The following UGT1A7 variants were observed in gnomAD, a reference collection of about 807,000 sequenced individuals.
The protein encoded by UGT1A7 is UDP-glucuronosyltransferase 1A7.
Under a neutral mutation model 45.6 loss-of-function variants are expected in UGT1A7, and 33 were observed. The ratio of observed to expected loss-of-function variants is 0.72; its 90% CI spans 0.55 to 0.97. The LOEUF (loss-of-function observed/expected upper bound fraction) is 0.97. Among genes scored for constraint, UGT1A7 ranks in the 50% least tolerant of loss-of-function variants. UGT1A7 has a pLI of 0.00. For synonymous variants in UGT1A7, 274 were observed against 250.6 expected (o/e 1.09, Z -0.88); for missense variants, 684 against 666.2 (o/e 1.03, Z -0.29).
chr2:233,729,365 A>G, intron 1 of UGT1A7: 4 of 1,614,132 alleles, frequency 2.5e-6, no homozygotes, highest in African/African-American at 2.7e-5. Flanking sequence ...CTGACAACCT[A>G]TGCCATTTCG....
In UGT1A7 at chr2:233,769,922, G is replaced by A. The variant is rs1699984157; in HGVS notation, c.1295+1483G>A. On this transcript the variant is annotated intron_variant, in intron 4 of 4. Coordinates refer to ENST00000373426, the MANE Select transcript of UGT1A7 (RefSeq NM_019077.3). The surrounding 1 kb of genome is among the most constrained non-coding windows in gnomAD (Gnocchi z 4.4). ...CATCATGTGCCCAGAGCGTTGGGTG[G>A]TGTGGTCCCATTCCTTCCTTCCAGC... 2 of 270,870 alleles carry A rather than the reference G, an allele frequency of 7.4e-6. No homozygotes were observed. The highest frequency in any genetic ancestry group is 1.5e-4 in the South Asian group (2 of 13,602). 16.8% of individuals were successfully genotyped at this position (270,870 alleles called of 1,614,324 possible). A position where few individuals can be genotyped will look rare whatever the true frequency, so the allele number is the denominator to read the frequency against.
rs562977700 is a variant in UGT1A7 at position 233,719,688 on chromosome 2, G to T, written c.855+36896G>T. On this transcript the variant is annotated intron_variant, in intron 1 of 4. Transcript: ENST00000373426. The stretch of plus-strand genomic sequence containing the variant: ...TGCCAACGGGAAGCCACTATCTCAG[G>T]TCTGTATTGGTGCCTTCATCCAATC... 7.9e-5 allele frequency: 127 copies of T among 1,614,002 alleles called. No homozygotes were observed. The East Asian group carries it at 2.7e-3, about 34-fold the overall frequency.
intron 1 of UGT1A7, among the ~76,000 whole-genome samples, chr2:233,702,570 C>T (rs2075694124): frequency 6.6e-6 from 1 of 152,096 alleles, no homozygotes; most frequent in Admixed American, 6.5e-5. Context: ...AGTCTTTTAG[C>T]AGATTAGGTC....
intron 1 of UGT1A7, among the ~76,000 whole-genome samples, chr2:233,703,657 T>C (rs757009493): frequency 5.9e-5 from 9 of 152,190 alleles, no homozygotes; most frequent in Non-Finnish European, 1.0e-4. Flanking sequence ...GCATTTCTTT[T>C]GGTTGCTGTT....
chr2:233,760,654 C>T (rs1222597079), intron 1 of UGT1A7: 1 of 1,614,218 alleles, frequency 6.2e-7, no homozygotes, highest in Non-Finnish European at 8.5e-7. Context: ...CTCTGCTATG[C>T]TTTTGTCTGG....
intron 1 of UGT1A7, chr2:233,693,247 G>T: frequency 3.7e-6 from 6 of 1,614,080 alleles, no homozygotes; most frequent in Non-Finnish European, 5.1e-6. Context: ...ATCCAGTGCC[G>T]TATGACCAAG....
At chr2:233,687,869 C>G (rs17863781) in intron 1 of UGT1A7, among the ~76,000 whole-genome samples, 2,937 of 152,304 alleles carry the variant, frequency 0.019, 59 homozygotes, top group Non-Finnish European at 0.028. Flanking sequence ...GACTATTCCA[C>G]TCCACTCCAG....
In UGT1A7 at chr2:233,772,986, C is replaced by A; in HGVS notation, c.*427C>A. 3.5e-6 allele frequency: 1 copy of A among 282,682 alleles called. No homozygotes were observed. The highest frequency in any genetic ancestry group is 6.8e-6 in the Non-Finnish European group (1 of 146,824). 17.5% of individuals were successfully genotyped at this position (282,682 alleles called of 1,614,324 possible). A position where few individuals can be genotyped will look rare whatever the true frequency, so the allele number is the denominator to read the frequency against. On this transcript the variant is annotated 3_prime_UTR_variant, in exon 5 of 5. Transcript: ENST00000373426. ...TGATCCTTAACCAATAATGGTCAGTCCTCATCTCTGTCGTGCTTCATAGGT... is the reference window on the plus strand; with the variant it reads ...TGATCCTTAACCAATAATGGTCAGTACTCATCTCTGTCGTGCTTCATAGGT...
intron 1 of UGT1A7, among the ~76,000 whole-genome samples, chr2:233,758,201 G>A (rs1696819770): frequency 6.6e-6 from 1 of 152,182 alleles, no homozygotes; most frequent in African/African-American, 2.4e-5. Flanking sequence ...GCTTAGTAGT[G>A]GTTCTCTGTT....
In UGT1A7 at chr2:233,718,773, C is replaced by G. The variant is rs374057137; in HGVS notation, c.855+35981C>G. Reference sequence around the variant, plus strand: ...ATTAAGGCGAAGGAAACAAATGTAGCAGGCACAGCGTGGGGTGGACAGTCA... The same window carrying G: ...ATTAAGGCGAAGGAAACAAATGTAGGAGGCACAGCGTGGGGTGGACAGTCA... On this transcript the variant is annotated intron_variant, in intron 1 of 4. Coordinates refer to ENST00000373426, the MANE Select transcript of UGT1A7 (RefSeq NM_019077.3). 9.1e-5 allele frequency: 147 copies of G among 1,612,730 alleles called. 1 individual carries two copies. Among genetic ancestry groups the G allele is most frequent in the Middle Eastern group, 6.0e-4 (3 of 4,988 alleles).
chr2:233,719,879 C>T (rs573880021), intron 1 of UGT1A7, among the ~76,000 whole-genome samples: 35 of 152,076 alleles, frequency 2.3e-4, no homozygotes, highest in Non-Finnish European at 3.7e-4. Context: ...AGAAGAGGCA[C>T]GGATGAGGGT....
At chr2:233,768,057 G>A in intron 3 of UGT1A7, 121 bp downstream of exon 3, 2 of 1,602,426 alleles carry the variant, frequency 1.2e-6, no homozygotes, top group Non-Finnish European at 1.7e-6. Flanking sequence ...ATCCTACATT[G>A]CTTTTTATCT....
At position 233,769,757 on chromosome 2, in the gene UGT1A7, A is replaced by G; in HGVS notation, c.1295+1318A>G. 7.1e-7 allele frequency: 1 copy of G among 1,417,082 alleles called. No individual in the cohort carries two copies. Among genetic ancestry groups the G allele is most frequent in the Non-Finnish European group, 9.2e-7 (1 of 1,082,860 alleles). 87.8% of individuals were successfully genotyped at this position (1,417,082 alleles called of 1,614,324 possible). A position where few individuals can be genotyped will look rare whatever the true frequency, so the allele number is the denominator to read the frequency against. On this transcript the variant is annotated intron_variant, in intron 4 of 4. Coordinates refer to ENST00000373426, the MANE Select transcript of UGT1A7 (RefSeq NM_019077.3). The surrounding 1 kb of genome is among the most constrained non-coding windows in gnomAD (Gnocchi z 4.4). ...GTAGTCCCAGCCACTCTGGAGGCTA[A>G]GGCGGGAGGATTGCTTGAGCCCAGA...
intron 1 of UGT1A7, among the ~76,000 whole-genome samples, chr2:233,687,607 A>T (rs1248545221): frequency 6.1e-5 from 9 of 147,964 alleles, no homozygotes; most frequent in East Asian, 1.9e-4. Flanking sequence ...AAAAAAAAAA[A>T]GGAAAGAAAA....
At chr2:233,705,068 G>A (rs546332987) in intron 1 of UGT1A7, among the ~76,000 whole-genome samples, 15 of 151,972 alleles carry the variant, frequency 9.9e-5, no homozygotes, top group Non-Finnish European at 1.8e-4. Flanking sequence ...CCCGGGAGGC[G>A]GAGGTTGCAG....
At chr2:233,729,540 C>A in intron 1 of UGT1A7, 1 of 1,614,202 alleles carries the variant, frequency 6.2e-7, no homozygotes, top group Middle Eastern at 1.6e-4. Context: ...AGGCCCTGAT[C>A]AGGCACCTGA....
At position 233,724,363 on chromosome 2, in the gene UGT1A7, CG is replaced by C. The variant is rs1443552589; in HGVS notation, c.855+41575del. On this transcript the variant is annotated intron_variant, in intron 1 of 4. Transcript: ENST00000373426. Reference sequence around the variant, plus strand: ...TGACCCCCCCCACCTCCCTCCCGGACGGGGTGGCTGCCGGGCGGAGACGCTC... The same window carrying C: ...TGACCCCCCCCACCTCCCTCCCGGACGGGTGGCTGCCGGGCGGAGACGCTC... Among the ~76,000 whole-genome samples the C allele has an allele frequency of 1.2e-4, 16 of 136,858 alleles. 1 individual carries two copies. The highest frequency in any genetic ancestry group is 2.1e-4 in the Non-Finnish European group (13 of 62,642). 89.8% of individuals were successfully genotyped at this position (136,858 alleles called of 152,430 possible). A position where few individuals can be genotyped will look rare whatever the true frequency, so the allele number is the denominator to read the frequency against.
chr2:233,738,565 G>A (rs1000487270), intron 1 of UGT1A7, among the ~76,000 whole-genome samples: 1 of 152,204 alleles, frequency 6.6e-6, no homozygotes, highest in African/African-American at 2.4e-5. Context: ...TGAGGAATCT[G>A]TTGAGAACTG....
intron 1 of UGT1A7, among the ~76,000 whole-genome samples, chr2:233,688,342 C>T (rs10168333): frequency 0.39 from 59,258 of 152,058 alleles, 11,741 homozygotes; most frequent in South Asian, 0.45. Flanking sequence ...TTCCCATTTT[C>T]AGCCATGAAA....
Sources: gnomAD v4.1 joint callset for allele counts (sites outside exome capture counted in the v4.1 genomes callset) on GRCh38, gnomAD v4.1.1 for gene constraint, Gnocchi (gnomAD v3.1) non-coding constraint, MANE v1.5 for transcripts, NCBI Gene and HGNC (gene_info 2026-07-23, HGNC 2026-07-21) for gene names.